Variants in TNRC18 observed in about 807,000 individuals in gnomAD.
The protein encoded by TNRC18 is trinucleotide repeat-containing gene 18 protein.
A neutral mutation model predicts 226.7 loss-of-function variants in TNRC18; 69 were observed. The ratio of observed to expected loss-of-function variants is 0.30; its 90% CI spans 0.25 to 0.37. The LOEUF (loss-of-function observed/expected upper bound fraction) is 0.37, where lower values mean the gene tolerates loss of function less well. Ranked by LOEUF, TNRC18 falls within the 10% of genes least tolerant of loss-of-function variation. TNRC18 has a pLI of 1.00. For synonymous variants in TNRC18, 2,449 were observed against 1,927.6 expected (o/e 1.27, Z -7.09); for missense variants, 4,754 against 4,256.6 (o/e 1.12, Z -3.25).
In TNRC18 at chr7:5,333,831, GGCC is replaced by G. The variant is rs567227698; in HGVS notation, c.5720-785_5720-783del. 4.2e-3 allele frequency among the ~76,000 whole-genome samples: 636 copies of G among 152,254 alleles called. 4 individuals are homozygous for G. Among genetic ancestry groups the G allele is most frequent in the African/African-American group, 0.015 (609 of 41,536 alleles). ...CCCCACAACCCGGGAAGTCCTCTAT[GGCC>G]GCACCTCTGTTGTCACAGGCAATGC... On this transcript the variant is annotated intron_variant, in intron 18 of 29. Transcript: ENST00000430969.
intron 16 of TNRC18, among the ~76,000 whole-genome samples, 172 bp downstream of exon 16, chr7:5,356,744 C>A (rs1200944973): frequency 9.2e-5 from 14 of 152,192 alleles, no homozygotes; most frequent in Admixed American, 9.2e-4. Flanking sequence ...GGCCTCCCCC[C>A]CCACTTCCGG....
intron 2 of TNRC18, among the ~76,000 whole-genome samples, chr7:5,398,425 C>T (rs1435753801): frequency 2.0e-5 from 3 of 152,218 alleles, no homozygotes; most frequent in African/African-American, 7.2e-5. Context: ...CCGCCTCATC[C>T]TCCCAAAGTG....
chr7:5,416,122 A>G (rs1296892612), intron 2 of TNRC18, among the ~76,000 whole-genome samples: 1 of 147,818 alleles, frequency 6.8e-6, no homozygotes, highest in South Asian at 2.2e-4. Context: ...AAAAAAAAAA[A>G]AAAAAAAATC....
chr7:5,324,338 A>T lies in TNRC18; in HGVS notation c.6318T>A (p.Gly2106=). The T allele has an allele frequency of 6.2e-7, 1 of 1,613,082 alleles. No homozygotes were observed. ...EVKKENRGKG[G]AVSKLMESMA... ...TGCTCTCCATCAGCTTGCTCACGGC[A>T]CCCCCCTTGCCGCGGTTCTGGGGAC... Residue 2106 remains glycine (G), a synonymous_variant, in exon 21 of 30, where the codon GGT becomes GGA. Transcript: ENST00000430969. The surrounding 1 kb of genome is among the most constrained non-coding windows in gnomAD (Gnocchi z 4.8).
rs1161807489 is a variant in TNRC18 at position 5,345,569 on chromosome 7, G to A, written c.5712C>T (p.Ser1904=). The A allele has an allele frequency of 1.7e-6, 2 of 1,201,394 alleles. No homozygotes were observed. Among genetic ancestry groups the A allele is most frequent in the Non-Finnish European group, 2.1e-6 (2 of 937,774 alleles). The allele number at this position is 1,201,394 out of a possible 1,614,324, so 74.4% of individuals were successfully genotyped here. The change falls in exon 18 of 30, where the codon AGC becomes AGT. Residue 1904 remains serine (S), a synonymous_variant. Transcript: ENST00000430969. ...QKARKKEERQ[S]LLGTEFEYTD... is the part of the protein sequence containing the mutation. The stretch of plus-strand genomic sequence containing the variant: ...CCACCTGCTGCCACTTACCCAGCAG[G>A]CTCTGCCGCTCCTCTTTCTTCCGGG...
rs1159609832 is a variant in TNRC18 at position 5,387,596 on chromosome 7, G to GC, written c.2152+75dup. The stretch of plus-strand genomic sequence containing the variant: ...GACTTAGCAATAGCAAAGGGAAAGG[G>GC]CCCACACTGTAATGTACGGGAAACG... On this transcript the variant is annotated intron_variant, in intron 5 of 29. Transcript: ENST00000430969. 6 of 1,554,878 alleles carry GC rather than the reference G, an allele frequency of 3.9e-6. No individual in the cohort carries two copies. The East Asian group carries it at 1.3e-4, about 35-fold the overall frequency.
rs1368612093 is a variant in TNRC18, at chr7:5,389,194, C to T, written c.630G>A (p.Ala210=). Residue 210 remains alanine (A), a synonymous_variant, in exon 5 of 30, where the codon GCG becomes GCA. Coordinates refer to ENST00000430969, the MANE Select transcript of TNRC18 (RefSeq NM_001080495.3). The stretch of plus-strand genomic sequence containing the variant: ...GCGGAGGCGGCTCCCCGCCGCGGCC[C>T]GCCCGCTCCTTGGCTGGACCGTCCC... The part of the protein sequence containing the change: ...SSRDGPAKER[A]GRGGEPPPLF... 6.8e-6 allele frequency: 9 copies of T among 1,326,332 alleles called. No homozygotes were observed. Among genetic ancestry groups the T allele is most frequent in the South Asian group, 1.8e-5 (1 of 56,952 alleles). 82.2% of individuals were successfully genotyped at this position (1,326,332 alleles called of 1,614,324 possible).
Position 5,377,127 on chromosome 7 carries a change from G to T in TNRC18, c.2462-134C>A. On this transcript the variant is annotated intron_variant, in intron 7 of 29. Transcript: ENST00000430969. The surrounding 1 kb of genome is among the most constrained non-coding windows in gnomAD (Gnocchi z 5.8). ...TCCAGTGGGGAAGCCAAGGGACAGG[G>T]GTGCTGGCTGGCTGCAAAGAGCACC... 1 of 1,337,820 alleles carries T rather than the reference G, an allele frequency of 7.5e-7. No homozygotes were observed. Among genetic ancestry groups the T allele is most frequent in the Non-Finnish European group, 1.0e-6 (1 of 989,790 alleles). The allele number at this position is 1,337,820 out of a possible 1,614,324, so 82.9% of individuals were successfully genotyped here. A position where few individuals can be genotyped will look rare whatever the true frequency, so the allele number is the denominator to read the frequency against.
chr7:5,381,342 G>C (rs1387354519), intron 5 of TNRC18, among the ~76,000 whole-genome samples: 3 of 152,020 alleles, frequency 2.0e-5, no homozygotes, highest in Non-Finnish European at 2.9e-5. Flanking sequence ...CCGGCCTCTC[G>C]AGGATGCCCC....
intron 21 of TNRC18, among the ~76,000 whole-genome samples, chr7:5,321,639 C>CTTTATTTATTTATTTATTTATTTATTTA (rs10551562): frequency 7.0e-6 from 1 of 143,410 alleles, no homozygotes; most frequent in African/African-American, 2.6e-5. Flanking sequence ...ACTTCTAGGA[C>CTTTATTTATTTATTTATTTATTTATTTA]TTTATTTATT....
At chr7:5,340,719 G>C (rs1415834992) in intron 18 of TNRC18, among the ~76,000 whole-genome samples, 3 of 150,096 alleles carry the variant, frequency 2.0e-5, no homozygotes, top group Non-Finnish European at 3.0e-5. Flanking sequence ...TTCCAGCCTG[G>C]GCAACAGAGT....
chr7:5,414,810 T>C (rs1782072018), intron 2 of TNRC18, among the ~76,000 whole-genome samples: 1 of 152,216 alleles, frequency 6.6e-6, no homozygotes, highest in South Asian at 2.1e-4. Context: ...TCTGATACTA[T>C]CAACTAATCT....
At chr7:5,330,950 C>T (rs576275437) in intron 19 of TNRC18, among the ~76,000 whole-genome samples, 400 of 152,278 alleles carry the variant, frequency 2.6e-3, no homozygotes, top group Non-Finnish European at 4.3e-3. Context: ...GCTGGGATTA[C>T]AGGTGTGTGC....
chr7:5,396,314 C>G (rs967129997), intron 2 of TNRC18, among the ~76,000 whole-genome samples: 1 of 152,114 alleles, frequency 6.6e-6, no homozygotes, highest in African/African-American at 2.4e-5. Context: ...TGCCACTGCA[C>G]TCCCGCCTGG....
chr7:5,384,166 C>T (rs1290722622), intron 5 of TNRC18, among the ~76,000 whole-genome samples: 1 of 152,038 alleles, frequency 6.6e-6, no homozygotes, highest in Admixed American at 6.6e-5. Flanking sequence ...CGGGGTTTTA[C>T]CACATTAACC....
intron 2 of TNRC18, among the ~76,000 whole-genome samples, chr7:5,406,965 C>T (rs74761914): frequency 3.3e-5 from 5 of 152,194 alleles, no homozygotes; most frequent in African/African-American, 9.6e-5. Context: ...CAGCCCCCAG[C>T]GTTCCTGCAG....
chr7:5,321,605 CCT>C (rs988658778), intron 21 of TNRC18, among the ~76,000 whole-genome samples: 2 of 152,118 alleles, frequency 1.3e-5, no homozygotes, highest in Admixed American at 1.3e-4. Flanking sequence ...ATGTCCGCCC[CCT>C]CTTACTGCTG....
intron 21 of TNRC18, among the ~76,000 whole-genome samples, chr7:5,322,291 T>TCATCAC (rs1788461135): frequency 6.6e-6 from 1 of 151,150 alleles, no homozygotes; most frequent in Admixed American, 6.6e-5. Flanking sequence ...ATAATCATCA[T>TCATCAC]CATCATCATC....
At chr7:5,358,479 C>T (rs539300557) in intron 15 of TNRC18, among the ~76,000 whole-genome samples, 1 of 152,158 alleles carries the variant, frequency 6.6e-6, no homozygotes, top group East Asian at 1.9e-4. Flanking sequence ...TCTTAGACCC[C>T]GTCTCCCTCC....
Sources: gnomAD v4.1 joint callset for allele counts (sites outside exome capture counted in the v4.1 genomes callset) on GRCh38, gnomAD v4.1.1 for gene constraint, Gnocchi (gnomAD v3.1) non-coding constraint, MANE v1.5 for transcripts, NCBI Gene and HGNC (gene_info 2026-07-23, HGNC 2026-07-21) for gene names.